The following AHCYL2 variants were observed in gnomAD, a reference collection of about 807,000 sequenced individuals.
AHCYL2 encodes the protein adenosylhomocysteinase like 2.
Under a neutral mutation model 81.4 loss-of-function variants are expected in AHCYL2, and 28 were observed. The observed-to-expected ratio is 0.34, with a 90% CI of 0.25 to 0.47. The LOEUF (loss-of-function observed/expected upper bound fraction) is 0.47. AHCYL2 is among the 20% of genes least tolerant of loss of function. AHCYL2 has a pLI of 1.00. For synonymous variants in AHCYL2, 272 were observed against 290.2 expected (o/e 0.94, Z 0.64); for missense variants, 551 against 785.1 (o/e 0.70, Z 3.56).
intron 1 of AHCYL2, among the ~76,000 whole-genome samples, chr7:129,335,437 GA>G (rs1472801186): frequency 2.0e-5 from 3 of 151,882 alleles, no homozygotes; most frequent in Non-Finnish European, 4.4e-5. Flanking sequence ...GTCTGTTAAA[GA>G]AAAATACCTA....
chr7:129,243,569 TTTTTGTTTTTGTTTTG>T (rs1454487600), intron 1 of AHCYL2, among the ~76,000 whole-genome samples: 1 of 43,264 alleles, frequency 2.3e-5, no homozygotes, highest in Non-Finnish European at 1.0e-4. Context: ...CTTTTGTTTG[TTTTTGTTTTTGTTTTG>T]TTTTGTTTTG....
chr7:129,320,626 A>T (rs75009960), intron 1 of AHCYL2, among the ~76,000 whole-genome samples: 5,597 of 152,152 alleles, frequency 0.037, 134 homozygotes, highest in South Asian at 0.063. Context: ...CACAGTTTTT[A>T]AAAAAATTGA....
At chr7:129,260,024 C>T (rs898077477) in intron 1 of AHCYL2, among the ~76,000 whole-genome samples, 2 of 149,630 alleles carry the variant, frequency 1.3e-5, no homozygotes, top group Admixed American at 1.3e-4. Flanking sequence ...TGCAGTGAGC[C>T]GAGATCATGC....
chr7:129,395,003 GTT>G (rs571421365), intron 4 of AHCYL2, among the ~76,000 whole-genome samples: 2 of 146,954 alleles, frequency 1.4e-5, no homozygotes, highest in Non-Finnish European at 3.0e-5. Flanking sequence ...CTGACAGTGG[GTT>G]TTTTTTTTTA....
At chr7:129,325,516 C>G (rs978887144) in intron 1 of AHCYL2, among the ~76,000 whole-genome samples, 4 of 151,788 alleles carry the variant, frequency 2.6e-5, no homozygotes, top group African/African-American at 9.7e-5. Context: ...TTTGTTTATA[C>G]CTTTGTGCTT....
At chr7:129,388,910 C>A in intron 2 of AHCYL2, 146 bp from the exon 3 acceptor site, 1 of 750,958 alleles carries the variant, frequency 1.3e-6, no homozygotes, top group South Asian at 2.2e-5. Context: ...CCTCTTCTGG[C>A]ATGTGTATAG....
At chr7:129,330,185 A>G (rs971815778) in intron 1 of AHCYL2, among the ~76,000 whole-genome samples, 1 of 152,018 alleles carries the variant, frequency 6.6e-6, no homozygotes, top group Non-Finnish European at 1.5e-5. Context: ...TTTTCTTTGT[A>G]CAAGTGGGTT....
chr7:129,280,605 G>A (rs975333172), intron 1 of AHCYL2, among the ~76,000 whole-genome samples: 6 of 151,922 alleles, frequency 3.9e-5, no homozygotes, highest in African/African-American at 9.7e-5. Context: ...TACTTTATAA[G>A]TTCTTATTTT....
At chr7:129,260,951 G>A (rs1287306487) in intron 1 of AHCYL2, among the ~76,000 whole-genome samples, 1 of 152,086 alleles carries the variant, frequency 6.6e-6, no homozygotes, top group Non-Finnish European at 1.5e-5. Context: ...ACCACCCTCG[G>A]CTAATTTTTT....
At chr7:129,269,715 C>T (rs375639030) in intron 1 of AHCYL2, among the ~76,000 whole-genome samples, 3 of 152,240 alleles carry the variant, frequency 2.0e-5, no homozygotes, top group East Asian at 1.9e-4. Flanking sequence ...CCACCATATC[C>T]GGCCCTAAAT....
chr7:129,373,556 C>T (rs757867677), intron 1 of AHCYL2, among the ~76,000 whole-genome samples: 1 of 151,712 alleles, frequency 6.6e-6, no homozygotes, highest in African/African-American at 2.4e-5. Flanking sequence ...GCCGAGATCG[C>T]GCCACTGCAC....
intron 6 of AHCYL2, among the ~76,000 whole-genome samples, chr7:129,401,790 C>A (rs1190213380): frequency 6.6e-6 from 1 of 152,084 alleles, no homozygotes; most frequent in Non-Finnish European, 1.5e-5. Context: ...TAGGATTATA[C>A]CTGGAGAACT....
intron 1 of AHCYL2, among the ~76,000 whole-genome samples, chr7:129,322,929 TCTA>T (rs1798091385): frequency 6.6e-6 from 1 of 152,192 alleles, no homozygotes; most frequent in Non-Finnish European, 1.5e-5. Context: ...ATTGTAGAAT[TCTA>T]GTGAGGGTTA....
At chr7:129,244,102 G>C (rs1794964159) in intron 1 of AHCYL2, among the ~76,000 whole-genome samples, 2 of 151,192 alleles carry the variant, frequency 1.3e-5, no homozygotes, top group Non-Finnish European at 2.9e-5. Flanking sequence ...GGACTCAAGT[G>C]ATTCTTCAGC....
chr7:129,391,198 T>G (rs1215427108), intron 4 of AHCYL2, among the ~76,000 whole-genome samples: 1 of 152,228 alleles, frequency 6.6e-6, no homozygotes, highest in Admixed American at 6.5e-5. Flanking sequence ...TTGCCATGAT[T>G]TTCTGAAATA....
chr7:129,304,151 C>A (rs1236977154), intron 1 of AHCYL2, among the ~76,000 whole-genome samples: 4 of 152,200 alleles, frequency 2.6e-5, no homozygotes, highest in Non-Finnish European at 5.9e-5. Context: ...TGTTATGTTT[C>A]CATTATCATT....
chr7:129,324,698 G>T (rs941211930), intron 1 of AHCYL2, among the ~76,000 whole-genome samples: 1 of 152,038 alleles, frequency 6.6e-6, no homozygotes, highest in Admixed American at 6.6e-5. Flanking sequence ...TGTGTTTTTA[G>T]TAGAGACGGG....
intron 1 of AHCYL2, among the ~76,000 whole-genome samples, chr7:129,344,023 A>T (rs1793275406): frequency 6.6e-6 from 1 of 152,194 alleles, no homozygotes; most frequent in African/African-American, 2.4e-5. Flanking sequence ...GAATGCTAAT[A>T]AGCATATAAG....
At chr7:129,248,567 C>T (rs1309806060) in intron 1 of AHCYL2, among the ~76,000 whole-genome samples, 5 of 149,288 alleles carry the variant, frequency 3.3e-5, no homozygotes, top group Non-Finnish European at 4.4e-5. Context: ...GATGCAGAAC[C>T]CATGGATATG....
Sources: gnomAD v4.1 joint callset for allele counts (sites outside exome capture counted in the v4.1 genomes callset) on GRCh38, gnomAD v4.1.1 for gene constraint, MANE v1.5 for transcripts, NCBI Gene and HGNC (gene_info 2026-07-23, HGNC 2026-07-21) for gene names.